CAPN2: variants seen among roughly 807,000 people sequenced by gnomAD.
The protein encoded by CAPN2 is calpain-2 catalytic subunit.
A neutral mutation model predicts 102.3 loss-of-function variants in CAPN2; 92 were observed. That is an observed-to-expected ratio of 0.90 (90% CI 0.76 to 1.07). CAPN2 has a LOEUF of 1.07. CAPN2 is among the 50% of genes least tolerant of loss of function. CAPN2 has a pLI of 0.00. For synonymous variants in CAPN2, 340 were observed against 355.4 expected, an observed-to-expected ratio of 0.96 and a Z score of 0.49; for missense variants, 800 against 909.4, an observed-to-expected ratio of 0.88 and a Z score of 1.55.
chr1:223,712,757 C>T lies in CAPN2; in HGVS notation c.117C>T (p.Cys39=), dbSNP rs149853702. ...ACTACGAGGCGCTGCGGAACGAGTG[C>T]CTGGAGGCCGGGACGCTCTTCCAGG... The part of the protein sequence containing the change: ...NQDYEALRNE[C]LEAGTLFQDP... The change falls in exon 1 of 21, where the codon TGC becomes TGT. Residue 39 remains cysteine, a synonymous_variant. Coordinates refer to ENST00000295006, the MANE Select transcript of CAPN2 (RefSeq NM_001748.5). 186 of 1,582,236 alleles carry T rather than the reference C, an allele frequency of 1.2e-4. 1 individual carries two copies. The African/African-American group carries it at 2.3e-3, about 20-fold the overall frequency.
At chr1:223,710,584 C>T (rs61823968), upstream of CAPN2, among the ~76,000 whole-genome samples, 16,100 of 152,146 alleles carry the variant, frequency 0.11, 1,026 homozygotes, top group South Asian at 0.15. Context: ...ACCTCTCCAG[C>T]GTGAACATCA....
At chr1:223,752,652 A>C in intron 8 of CAPN2, 144 bp from the exon 9 acceptor site, 2 of 691,036 alleles carry the variant, frequency 2.9e-6, no homozygotes, top group South Asian at 3.9e-5. Context: ...GGGCCTTCTG[A>C]TTCTGAACCT....
At chr1:223,714,813 C>A (rs1659833687) in intron 1 of CAPN2, among the ~76,000 whole-genome samples, 1 of 152,150 alleles carries the variant, frequency 6.6e-6, no homozygotes, top group Admixed American at 6.5e-5. Context: ...TGAAGACTTA[C>A]TTCTGAGGCT....
rs540630685 is a variant in CAPN2, at chr1:223,744,916, G to A, written c.427-390G>A. On this transcript the variant is annotated intron_variant, in intron 3 of 20. Transcript: ENST00000295006. ...AAAAATTAGCCGGGTGTGGTGGCAC[G>A]TGCCCTTAATCCCAGCTACTCGGGA... Among the ~76,000 whole-genome samples the A allele has an allele frequency of 1.1e-4, 17 of 151,648 alleles. No homozygotes were observed. In the East Asian group the frequency reaches 2.5e-3, roughly 22 times the overall value.
Position 223,712,696 on chromosome 1 carries a change from G to C in CAPN2, c.56G>C (p.Gly19Ala). The change falls in exon 1 of 21, where the codon GGC becomes GCC. Residue 19 changes from glycine to alanine, a missense_variant. Coordinates refer to ENST00000295006, the MANE Select transcript of CAPN2 (RefSeq NM_001748.5). ...AKDREAAEGL[G>A]SHDRAIKYLN... Reference sequence around the variant, plus strand: ...GACCGGGAGGCGGCCGAGGGGCTGGGCTCCCACGACAGGGCCATCAAGTAC... The same window carrying C: ...GACCGGGAGGCGGCCGAGGGGCTGGCCTCCCACGACAGGGCCATCAAGTAC... 6.4e-7 allele frequency: 1 copy of C among 1,573,922 alleles called. No individual in the cohort carries two copies. The highest frequency in any genetic ancestry group is 8.6e-7 in the Non-Finnish European group (1 of 1,162,782).
At chr1:223,717,093 C>T (rs1659897324) in intron 1 of CAPN2, among the ~76,000 whole-genome samples, 1 of 152,080 alleles carries the variant, frequency 6.6e-6, no homozygotes, top group African/African-American at 2.4e-5. Flanking sequence ...TAAGCAGGTA[C>T]AGAATATATA....
At chr1:223,744,659 G>A (rs1016496777) in intron 3 of CAPN2, among the ~76,000 whole-genome samples, 2 of 152,084 alleles carry the variant, frequency 1.3e-5, no homozygotes, top group Admixed American at 6.6e-5. Flanking sequence ...TCAGGAGTTC[G>A]AGACCAGCCT....
intron 15 of CAPN2, 112 bp from the exon 16 acceptor site, chr1:223,766,255 G>T: frequency 1.3e-6 from 1 of 757,320 alleles, no homozygotes. Context: ...TATAATGGAA[G>T]TGGCTTCTGT....
chr1:223,723,211 G>T (rs1191478143), intron 2 of CAPN2, among the ~76,000 whole-genome samples: 1 of 152,160 alleles, frequency 6.6e-6, no homozygotes, highest in African/African-American at 2.4e-5. Flanking sequence ...CTACTCGGGA[G>T]GCTGAAGCAG....
At chr1:223,769,514 A>AAT (rs1661417060) in intron 16 of CAPN2, among the ~76,000 whole-genome samples, 1 of 152,130 alleles carries the variant, frequency 6.6e-6, no homozygotes, top group African/African-American at 2.4e-5. Flanking sequence ...TACTTTAAAA[A>AAT]AAACAGCAAG....
At position 223,749,134 on chromosome 1, in the gene CAPN2, C is replaced by T. The variant is rs1558071408; in HGVS notation, c.813+12C>T. On this transcript the variant is annotated intron_variant, in intron 6 of 20. Transcript: ENST00000295006. Reference sequence around the variant, plus strand: ...CCGGAGCCGAGGAGGTAACGGCCGGCGCGGATGTGCAGGGGTCCTGCTGTC... The same window carrying T: ...CCGGAGCCGAGGAGGTAACGGCCGGTGCGGATGTGCAGGGGTCCTGCTGTC... 6.2e-7 allele frequency: 1 copy of T among 1,611,878 alleles called. No homozygotes were observed. Among genetic ancestry groups the T allele is most frequent in the Non-Finnish European group, 8.5e-7 (1 of 1,177,982 alleles).
At position 223,718,511 on chromosome 1, in the gene CAPN2, C is replaced by T. The variant is rs138958372; in HGVS notation, c.307+680C>T. Among the ~76,000 whole-genome samples, 5 of 152,300 alleles carry T rather than the reference C, an allele frequency of 3.3e-5. No homozygotes were observed. In the East Asian group the frequency reaches 9.6e-4, roughly 29 times the overall value. ...TTCTCCACCTTTAGTATGAAAATTC[C>T]CAAAGCTTCTAGGAAGTCCCAGCAA... On this transcript the variant is annotated intron_variant, in intron 2 of 20. Coordinates refer to ENST00000295006, the MANE Select transcript of CAPN2 (RefSeq NM_001748.5).
chr1:223,719,588 C>T (rs1249262746), intron 2 of CAPN2, among the ~76,000 whole-genome samples: 1 of 152,118 alleles, frequency 6.6e-6, no homozygotes, highest in Non-Finnish European at 1.5e-5. Context: ...TGCCTAACAT[C>T]TGCTTCAGAG....
chr1:223,726,535 G>A lies in CAPN2; in HGVS notation c.307+8704G>A, dbSNP rs2102781936. 6.6e-6 allele frequency among the ~76,000 whole-genome samples: 1 copy of A among 152,268 alleles called. No homozygotes were observed. The highest frequency in any genetic ancestry group is 1.9e-4 in the East Asian group (1 of 5,172). ...ACAGGCAAGGGACTAGAGAGAGGAAGAGTGAATGTCAAGCCCCAGCACCCT... is the reference window on the plus strand; with the variant it reads ...ACAGGCAAGGGACTAGAGAGAGGAAAAGTGAATGTCAAGCCCCAGCACCCT... On this transcript the variant is annotated intron_variant, in intron 2 of 20. Coordinates refer to ENST00000295006, the MANE Select transcript of CAPN2 (RefSeq NM_001748.5). The surrounding 1 kb of genome is among the most constrained non-coding windows in gnomAD (Gnocchi z 4.4).
rs990445589 is a variant in CAPN2, at chr1:223,762,238, A to T, written c.1619A>T (p.Gln540Leu). ...IDDGFRRLFA[Q>L]LAGEDAEISA... The stretch of plus-strand genomic sequence containing the variant: ...GATGGATTCAGGAGACTGTTTGCCC[A>T]GTTGGCAGGAGAGGTAAATGTTCCC... The change falls in exon 14 of 21, where the codon CAG becomes CTG. Residue 540 changes from glutamine (Q) to leucine (L), a missense_variant. Transcript: ENST00000295006. 16 of 1,613,698 alleles carry T rather than the reference A, an allele frequency of 9.9e-6. No individual in the cohort carries two copies. Among genetic ancestry groups the T allele is most frequent in the Non-Finnish European group, 1.3e-5 (15 of 1,179,612 alleles).
In CAPN2 at chr1:223,771,766, A is replaced by G. The variant is rs1036573317; in HGVS notation, c.1904-43A>G. On this transcript the variant is annotated intron_variant, in intron 18 of 20. Coordinates refer to ENST00000295006, the MANE Select transcript of CAPN2 (RefSeq NM_001748.5). ...CCTGTGAGCGCAGCTAAATGGAACA[A>G]TCTAATGCTTAGCAATGAGTTTGTT... The G allele has an allele frequency of 9.0e-6, 11 of 1,227,098 alleles. No homozygotes were observed. The African/African-American group carries it at 1.3e-4, about 15-fold the overall frequency. The allele number at this position is 1,227,098 out of a possible 1,614,324, so 76.0% of individuals were successfully genotyped here.
chr1:223,703,261 T>C (rs1245595453), intron 1 of CAPN2, among the ~76,000 whole-genome samples: 1 of 152,162 alleles, frequency 6.6e-6, no homozygotes, highest in Admixed American at 6.5e-5. Flanking sequence ...ACAAGACCTA[T>C]CTTATAGGGC....
chr1:223,719,612 T>A (rs926691319), intron 2 of CAPN2, among the ~76,000 whole-genome samples: 2 of 152,150 alleles, frequency 1.3e-5, no homozygotes, highest in Non-Finnish European at 2.9e-5. Flanking sequence ...AACAACACCT[T>A]AAGTGCCAAA....
upstream of CAPN2, among the ~76,000 whole-genome samples, chr1:223,707,923 A>G (rs986404576): frequency 6.6e-6 from 1 of 152,210 alleles, no homozygotes; most frequent in Non-Finnish European, 1.5e-5. Flanking sequence ...GATCAGTGGG[A>G]GGAGAAGCCT....
Sources: gnomAD v4.1 joint callset for allele counts (sites outside exome capture counted in the v4.1 genomes callset) on GRCh38, gnomAD v4.1.1 for gene constraint, Gnocchi (gnomAD v3.1) non-coding constraint, MANE v1.5 for transcripts, NCBI Gene and HGNC (gene_info 2026-07-23, HGNC 2026-07-21) for gene names.